Variants in RUBCN observed in about 807,000 individuals in gnomAD.
RUBCN encodes the protein run domain Beclin-1-interacting and cysteine-rich domain-containing protein.
In RUBCN, 74 loss-of-function variants were observed where a neutral mutation model predicts 113.2. The observed-to-expected ratio is 0.65, with a 90% CI of 0.54 to 0.79. The LOEUF (loss-of-function observed/expected upper bound fraction) is 0.79. Ranked by LOEUF, RUBCN falls within the 30% of genes least tolerant of loss-of-function variation. The probability of loss-of-function intolerance (pLI) is 0.00; values close to 1 mark genes in which losing one functional copy is unlikely to be tolerated. For synonymous variants in RUBCN, 480 were observed against 490.0 expected (o/e 0.98, Z 0.27); for missense variants, 1,109 against 1,251.7 (o/e 0.89, Z 1.72).
At chr3:197,712,568 T>C (rs1725072512) in intron 2 of RUBCN, among the ~76,000 whole-genome samples, 1 of 152,140 alleles carries the variant, frequency 6.6e-6, no homozygotes, top group Non-Finnish European at 1.5e-5. Context: ...TCTCAGATCT[T>C]TACCAGGCAG....
chr3:197,719,499 G>C (rs201191320), intron 1 of RUBCN, among the ~76,000 whole-genome samples: 1 of 109,916 alleles, frequency 9.1e-6, no homozygotes, highest in African/African-American at 3.4e-5. Flanking sequence ...AAAAAAAAAA[G>C]AACATGATAA....
At chr3:197,744,308 C>T (rs887541421) in intron 1 of RUBCN, among the ~76,000 whole-genome samples, 1 of 152,034 alleles carries the variant, frequency 6.6e-6, no homozygotes, top group Non-Finnish European at 1.5e-5. Flanking sequence ...AGGTTTATCC[C>T]AAAAATGCAA....
intron 7 of RUBCN, among the ~76,000 whole-genome samples, chr3:197,698,594 A>C (rs1194900112): frequency 2.0e-5 from 3 of 152,228 alleles, no homozygotes; most frequent in Non-Finnish European, 4.4e-5. Flanking sequence ...CAAAAAACAA[A>C]AAAACCAAAC....
chr3:197,732,248 T>A (rs1015717642), intron 1 of RUBCN, among the ~76,000 whole-genome samples: 13 of 152,178 alleles, frequency 8.5e-5, no homozygotes, highest in African/African-American at 3.1e-4. Context: ...GTACACTGCA[T>A]GGCCAAGGCG....
chr3:197,716,458 A>G (rs913449272), intron 2 of RUBCN, among the ~76,000 whole-genome samples: 1 of 152,200 alleles, frequency 6.6e-6, no homozygotes, highest in African/African-American at 2.4e-5. Flanking sequence ...TTCATGCATG[A>G]AAGTCAGAAA....
intron 1 of RUBCN, among the ~76,000 whole-genome samples, chr3:197,725,335 T>C (rs539633362): frequency 7.2e-5 from 11 of 152,038 alleles, no homozygotes; most frequent in African/African-American, 2.2e-4. Flanking sequence ...TTTAATTATC[T>C]AGTATTTAAC....
intron 1 of RUBCN, among the ~76,000 whole-genome samples, chr3:197,732,338 G>A (rs939136985): frequency 6.6e-6 from 1 of 152,184 alleles, no homozygotes; most frequent in Non-Finnish European, 1.5e-5. Context: ...TTTTTGAGAC[G>A]AGTCTCACTC....
chr3:197,700,304 A>C (rs1300798209), intron 7 of RUBCN, among the ~76,000 whole-genome samples: 2 of 152,138 alleles, frequency 1.3e-5, no homozygotes, highest in Non-Finnish European at 2.9e-5. Flanking sequence ...GCTCAATAAT[A>C]CTTTCCCCAA....
chr3:197,747,256 C>G (rs1728785097), intron 1 of RUBCN, among the ~76,000 whole-genome samples: 1 of 152,294 alleles, frequency 6.6e-6, no homozygotes, highest in Admixed American at 6.5e-5. Flanking sequence ...AGACTCTCAG[C>G]CCTTGGGGAA....
chr3:197,711,350 A>G (rs1309486782), intron 2 of RUBCN, among the ~76,000 whole-genome samples: 2 of 152,230 alleles, frequency 1.3e-5, no homozygotes, highest in Non-Finnish European at 2.9e-5. Flanking sequence ...CGTACAATGG[A>G]ATATTATAAA....
At position 197,670,856 on chromosome 3, in the gene RUBCN, T is replaced by C. The variant is rs1719720137; in HGVS notation, c.*4162A>G. Among the ~76,000 whole-genome samples the C allele has an allele frequency of 1.3e-5, 2 of 152,218 alleles. No individual in the cohort carries two copies. The highest frequency in any genetic ancestry group is 2.9e-5 in the Non-Finnish European group (2 of 68,044). ...ATGTGTGTCCTCTGATGATGACTGC[T>C]GGACAAACACAACAGGAGCAGTTGC... On this transcript the variant is annotated 3_prime_UTR_variant, in exon 20 of 20. Transcript: ENST00000296343.
intron 1 of RUBCN, among the ~76,000 whole-genome samples, chr3:197,733,001 G>A (rs1412687132): frequency 6.6e-6 from 1 of 152,204 alleles, no homozygotes; most frequent in Non-Finnish European, 1.5e-5. Flanking sequence ...AACTTCTCAG[G>A]CAGGAAAGCA....
rs1195783301 is a variant in RUBCN at position 197,676,639 on chromosome 3, G to A, written c.2646+246C>T. On this transcript the variant is annotated intron_variant, in intron 18 of 19. Transcript: ENST00000296343. Reference sequence around the variant, plus strand: ...ACACTTCTTGAGTGAAAGTCTACTCGGTCTTGCCCGGAGCTACCCAGGACC... The same window carrying A: ...ACACTTCTTGAGTGAAAGTCTACTCAGTCTTGCCCGGAGCTACCCAGGACC... 1.6e-5 allele frequency: 22 copies of A among 1,377,040 alleles called. 1 individual carries two copies. Among genetic ancestry groups the A allele is most frequent in the South Asian group, 1.1e-4 (7 of 66,252 alleles). The allele number at this position is 1,377,040 out of a possible 1,614,324, so 85.3% of individuals were successfully genotyped here. A position where few individuals can be genotyped will look rare whatever the true frequency, so the allele number is the denominator to read the frequency against.
intron 7 of RUBCN, chr3:197,700,352 G>T (rs1239095713): frequency 9.0e-6 from 5 of 555,742 alleles, no homozygotes; most frequent in African/African-American, 1.9e-5. Flanking sequence ...TATGAGTCAC[G>T]CTATCCTCTG....
chr3:197,704,792 GT>G, intron 3 of RUBCN, 91 bp from the exon 4 acceptor site: 1 of 1,356,374 alleles, frequency 7.4e-7, no homozygotes, highest in Non-Finnish European at 1.0e-6. Context: ...ATTGAGACAG[GT>G]AAGGGAAATG....
upstream of RUBCN, among the ~76,000 whole-genome samples, chr3:197,739,617 T>C (rs1051220469): frequency 8.6e-5 from 13 of 151,420 alleles, no homozygotes; most frequent in Non-Finnish European, 1.6e-4. Context: ...AATGGCGTGA[T>C]GAACCCGGGA....
Position 197,703,577 on chromosome 3 carries a change from G to A in RUBCN, c.541C>T (p.Arg181Cys), listed in dbSNP as rs749915680. 1.2e-5 allele frequency: 20 copies of A among 1,613,332 alleles called. No individual in the cohort carries two copies. The highest frequency in any genetic ancestry group is 5.0e-5 in the Admixed American group (3 of 59,968). Reference sequence around the variant, plus strand: ...GACGCATCGATCTGAGCCAGGAGGCGGGGGTTGTTCTGTTCCACTGCTTCC... The same window carrying A: ...GACGCATCGATCTGAGCCAGGAGGCAGGGGTTGTTCTGTTCCACTGCTTCC... ...CLEAVEQNNP[R>C]LLAQIDASMF... Residue 181 changes from arginine to cysteine, a missense_variant, in exon 5 of 20, where the codon CGC (arginine) becomes TGC (cysteine). Physicochemically the swap from Arg to Cys is radical, Grantham distance 180. Transcript: ENST00000296343.
chr3:197,725,518 A>ATTTTTTT (rs1182710026), intron 1 of RUBCN, among the ~76,000 whole-genome samples: 2 of 120,864 alleles, frequency 1.7e-5, no homozygotes, highest in Non-Finnish European at 3.3e-5. Context: ...TGACAGGAGA[A>ATTTTTTT]TCTTTTTTTT....
chr3:197,674,522 T>G lies in RUBCN; in HGVS notation c.*496A>C, dbSNP rs1720116235. 1.9e-6 allele frequency: 1 copy of G among 513,956 alleles called. No individual in the cohort carries two copies. Among genetic ancestry groups the G allele is most frequent in the Non-Finnish European group, 4.0e-6 (1 of 250,248 alleles). The allele number at this position is 513,956 out of a possible 1,614,324, so 31.8% of individuals were successfully genotyped here. A position where few individuals can be genotyped will look rare whatever the true frequency, so the allele number is the denominator to read the frequency against. On this transcript the variant is annotated 3_prime_UTR_variant, in exon 20 of 20. Coordinates refer to ENST00000296343, the MANE Select transcript of RUBCN (RefSeq NM_014687.4). ...TGACGTAGTCCTATTCTCTGCTGCTTCTCCTCGGGGCACAGTCTGACCCCA... is the reference window on the plus strand; with the variant it reads ...TGACGTAGTCCTATTCTCTGCTGCTGCTCCTCGGGGCACAGTCTGACCCCA...
Sources: allele counts gnomAD v4.1 joint callset (sites outside exome capture counted in the v4.1 genomes callset), GRCh38; gene constraint gnomAD v4.1.1; transcripts MANE v1.5; gene names NCBI Gene and HGNC (gene_info 2026-07-23, HGNC 2026-07-21).